The following DOCK3 variants were observed in gnomAD, a reference collection of about 807,000 sequenced individuals.
The protein encoded by DOCK3 is dedicator of cytokinesis 3.
In DOCK3, 60 loss-of-function variants were observed where a neutral mutation model predicts 265.6. That is an observed-to-expected ratio of 0.23 (90% confidence interval 0.18 to 0.28). The LOEUF is 0.28. Ranked by LOEUF, DOCK3 falls within the 10% of genes least tolerant of loss-of-function variation. The pLI is 1.00. For synonymous variants in DOCK3, 881 were observed against 938.0 expected, an observed-to-expected ratio of 0.94 and a Z score of 1.11; for missense variants, 1,981 against 2,594.3, an observed-to-expected ratio of 0.76 and a Z score of 5.14.
At chr3:51,050,704 C>T (rs2080963188) in intron 5 of DOCK3, among the ~76,000 whole-genome samples, 1 of 152,152 alleles carries the variant, frequency 6.6e-6, no homozygotes, top group African/African-American at 2.4e-5. Flanking sequence ...AATTGACCTT[C>T]CTCTGCCTTT....
At chr3:51,010,180 T>G (rs2078885176) in intron 5 of DOCK3, among the ~76,000 whole-genome samples, 1 of 152,154 alleles carries the variant, frequency 6.6e-6, no homozygotes, top group African/African-American at 2.4e-5. Flanking sequence ...CCTTGTTAAT[T>G]TTCTGTCTCG....
Position 51,381,434 on chromosome 3 carries a change from G to T in DOCK3, c.5968G>T (p.Gly1990Trp). The change falls in exon 53 of 53, where the codon GGG (glycine) becomes TGG (tryptophan). Residue 1990 changes from glycine to tryptophan, a missense_variant. By Grantham distance (184) the Gly-to-Trp change is radical. Coordinates refer to ENST00000266037, the MANE Select transcript of DOCK3 (RefSeq NM_004947.5). The surrounding 1 kb of genome is among the most constrained non-coding windows in gnomAD (Gnocchi z 5.6). ...CCTGCCGGCCCTGGAGCACGATGAG[G>T]GGGTGCTGCTGCGTGAAGAGACTGA... ...PRLPALEHDEGVLLREETERP... is the reference protein window; with the variant it reads ...PRLPALEHDEWVLLREETERP... 1.2e-6 allele frequency: 2 copies of T among 1,610,618 alleles called. No homozygotes were observed. Among genetic ancestry groups the T allele is most frequent in the Non-Finnish European group, 1.7e-6 (2 of 1,178,910 alleles).
rs979397798 is a variant in DOCK3 at position 51,231,107 on chromosome 3, C to T, written c.1917+1498C>T. 7.1e-5 allele frequency among the ~76,000 whole-genome samples: 9 copies of T among 127,632 alleles called. No individual in the cohort carries two copies. The East Asian group carries it at 1.6e-3, about 22-fold the overall frequency. The allele number at this position is 127,632 out of a possible 152,430, so 83.7% of individuals were successfully genotyped here. A position where few individuals can be genotyped will look rare whatever the true frequency, so the allele number is the denominator to read the frequency against. Reference sequence around the variant, plus strand: ...CTTTTCTCTGCAGCTTCGCCAGCATCTGTTATTTTTTGACTTTTTTTTTTT... The same window carrying T: ...CTTTTCTCTGCAGCTTCGCCAGCATTTGTTATTTTTTGACTTTTTTTTTTT... On this transcript the variant is annotated intron_variant, in intron 19 of 52. Transcript: ENST00000266037.
chr3:50,905,297 A>C (rs1476750835), intron 4 of DOCK3, among the ~76,000 whole-genome samples: 1 of 152,112 alleles, frequency 6.6e-6, no homozygotes, highest in East Asian at 1.9e-4. Flanking sequence ...AATTCTGTGA[A>C]CAAAGTCATT....
chr3:50,770,092 A>G (rs1445310213), intron 1 of DOCK3, among the ~76,000 whole-genome samples: 1 of 152,188 alleles, frequency 6.6e-6, no homozygotes, highest in Non-Finnish European at 1.5e-5. Context: ...TAGTACTGGA[A>G]GTCCTAGATA....
At chr3:51,352,906 A>G (rs1281385461) in intron 40 of DOCK3, among the ~76,000 whole-genome samples, 1 of 152,182 alleles carries the variant, frequency 6.6e-6, no homozygotes, top group Non-Finnish European at 1.5e-5. Flanking sequence ...CCTTCCCCAG[A>G]AGGCTAGGCT....
intron 10 of DOCK3, among the ~76,000 whole-genome samples, chr3:51,148,183 G>T (rs1576238874): frequency 6.6e-6 from 1 of 152,150 alleles, no homozygotes; most frequent in East Asian, 1.9e-4. Flanking sequence ...CTTTTTGATG[G>T]GATTCTTTGT....
intron 3 of DOCK3, among the ~76,000 whole-genome samples, chr3:50,864,951 AT>A (rs549864933): frequency 2.0e-4 from 28 of 142,118 alleles, no homozygotes; most frequent in East Asian, 1.5e-3. Flanking sequence ...ACATTTTAGG[AT>A]TTTTTTTTTC....
chr3:50,703,073 GT>G (rs1214907780), intron 1 of DOCK3, among the ~76,000 whole-genome samples: 1 of 151,984 alleles, frequency 6.6e-6, no homozygotes, highest in Non-Finnish European at 1.5e-5. Flanking sequence ...TTTATTGAGT[GT>G]TTTTTTCTGC....
At chr3:51,069,576 ATG>A (rs60351768) in intron 6 of DOCK3, among the ~76,000 whole-genome samples, 8,658 of 150,850 alleles carry the variant, frequency 0.057, 879 homozygotes, top group African/African-American at 0.2. Flanking sequence ...ATGTGTGTAT[ATG>A]TGTGTGTGTG....
intron 10 of DOCK3, among the ~76,000 whole-genome samples, chr3:51,152,345 G>A (rs1030749241): frequency 1.3e-5 from 2 of 151,980 alleles, no homozygotes; most frequent in African/African-American, 4.8e-5. Context: ...AGCTCCATCA[G>A]GTCATTTAAG....
intron 12 of DOCK3, among the ~76,000 whole-genome samples, chr3:51,163,458 A>G (rs945785532): frequency 6.6e-6 from 1 of 152,108 alleles, no homozygotes; most frequent in African/African-American, 2.4e-5. Context: ...GTCACTTCCT[A>G]ATGAGTCAAA....
At chr3:50,790,724 T>A (rs2042427654) in intron 2 of DOCK3, among the ~76,000 whole-genome samples, 1 of 152,202 alleles carries the variant, frequency 6.6e-6, no homozygotes, top group African/African-American at 2.4e-5. Flanking sequence ...GGTTACTTGA[T>A]GCTTTTGCCT....
At chr3:51,285,109 T>G (rs1390354092) in intron 27 of DOCK3, among the ~76,000 whole-genome samples, 2 of 152,130 alleles carry the variant, frequency 1.3e-5, no homozygotes, top group Non-Finnish European at 2.9e-5. Flanking sequence ...TGGCACATCT[T>G]AAGCTCCAGG....
At chr3:50,988,218 C>T (rs185863993) in intron 5 of DOCK3, among the ~76,000 whole-genome samples, 2 of 152,138 alleles carry the variant, frequency 1.3e-5, no homozygotes, top group East Asian at 3.9e-4. Context: ...CTGAGCTCCC[C>T]GGGGACAGAA....
At chr3:51,233,347 TATC>T (rs1560254320) in intron 19 of DOCK3, among the ~76,000 whole-genome samples, 165 of 38,940 alleles carry the variant, frequency 4.2e-3, no homozygotes, top group East Asian at 9.8e-3. Context: ...TCTATCTATC[TATC>T]TATCTATCTA....
intron 2 of DOCK3, among the ~76,000 whole-genome samples, chr3:50,795,882 CT>C (rs2042744531): frequency 1.3e-5 from 2 of 152,132 alleles, no homozygotes; most frequent in African/African-American, 4.8e-5. Flanking sequence ...TGACTTTCAG[CT>C]CTTGTATCAT....
intron 33 of DOCK3, 97 bp downstream of exon 33, chr3:51,330,320 G>A: frequency 8.0e-7 from 1 of 1,253,316 alleles, no homozygotes; most frequent in Non-Finnish European, 1.1e-6. Context: ...GGCTTTAGAG[G>A]TTGGTCATCA....
chr3:51,350,195 C>T, intron 39 of DOCK3, 93 bp from the exon 40 acceptor site: 2 of 1,117,802 alleles, frequency 1.8e-6, no homozygotes, highest in East Asian at 2.4e-5. Context: ...GCCATGATCC[C>T]TTTCCAGAAG....
Sources: gnomAD v4.1 joint callset for allele counts (sites outside exome capture counted in the v4.1 genomes callset) on GRCh38, gnomAD v4.1.1 for gene constraint, Gnocchi (gnomAD v3.1) non-coding constraint, MANE v1.5 for transcripts, NCBI Gene and HGNC (gene_info 2026-07-23, HGNC 2026-07-21) for gene names.